RSPH14: variants seen among roughly 807,000 people sequenced by gnomAD.
The protein encoded by RSPH14 is radial spoke head 14 homolog.
In RSPH14, 20 loss-of-function variants were observed where a neutral mutation model predicts 26.7. That is an observed-to-expected ratio of 0.75 (90% CI 0.53 to 1.09). The LOEUF (loss-of-function observed/expected upper bound fraction) is 1.09. Ranked by LOEUF, RSPH14 falls within the 50% of genes least tolerant of loss-of-function variation. RSPH14 has a pLI of 0.00. For missense variants in RSPH14, 449 were observed against 457.2 expected (o/e 0.98, Z 0.16); for synonymous variants, 177 against 189.3 (o/e 0.93, Z 0.53).
the RSPH14 span, among the ~76,000 whole-genome samples, chr22:23,170,570 G>GGA: frequency 3.4e-4 from 25 of 73,050 alleles, no homozygotes; most frequent in South Asian, 9.7e-4. Context: ...GCAACATGGT[G>GGA]AAAAAAAAAC....
the RSPH14 span, among the ~76,000 whole-genome samples, chr22:23,169,354 G>T: frequency 6.6e-6 from 1 of 152,226 alleles, no homozygotes; most frequent in East Asian, 1.9e-4. Flanking sequence ...GATGATGGAT[G>T]GTGGTCACAT....
At chr22:23,153,031 A>G in the RSPH14 span, 3 of 1,612,034 alleles carry the variant, frequency 1.9e-6, no homozygotes, top group Admixed American at 1.7e-5. Context: ...CATCCCCCAC[A>G]GGTTTTGCAA....
intron 4 of RSPH14, among the ~76,000 whole-genome samples, chr22:23,064,686 A>C (rs1178013155): frequency 6.6e-6 from 1 of 152,144 alleles, no homozygotes; most frequent in East Asian, 1.9e-4. Context: ...CACCAAAAAG[A>C]GCTGTGCCCC....
chr22:23,104,026 G>A (rs911355121), intron 4 of RSPH14, among the ~76,000 whole-genome samples: 2 of 152,142 alleles, frequency 1.3e-5, no homozygotes, highest in East Asian at 1.9e-4. Flanking sequence ...GGGCCTAGAC[G>A]TTGGGAGCAG....
chr22:23,081,821 CAAAAAAAAAAA>C (rs55713577), intron 4 of RSPH14, among the ~76,000 whole-genome samples: 1 of 46,746 alleles, frequency 2.1e-5, no homozygotes, highest in African/African-American at 9.1e-5. Flanking sequence ...GATTCCATCT[CAAAAAAAAAAA>C]AAAAAAAAAA....
At chr22:23,065,583 A>G (rs535597836) in intron 4 of RSPH14, among the ~76,000 whole-genome samples, 2 of 150,642 alleles carry the variant, frequency 1.3e-5, no homozygotes, top group South Asian at 4.2e-4. Context: ...CATTTAAAAC[A>G]TATCCTTTCC....
At chr22:23,116,118 C>T (rs1569184388) in intron 4 of RSPH14, among the ~76,000 whole-genome samples, 1 of 152,258 alleles carries the variant, frequency 6.6e-6, no homozygotes, top group South Asian at 2.1e-4. Flanking sequence ...TCTGTGTGTG[C>T]GTTTGCCTGG....
chr22:23,106,032 C>T lies in RSPH14; in HGVS notation c.421+27994G>A, dbSNP rs189760123. ...CCAGGCCCTTTCGGAGCAAATGCTC[C>T]CACCATCTTGGAATTTTCTGTCCCA... On this transcript the variant is annotated intron_variant, in intron 4 of 6. Transcript: ENST00000216036. 4.7e-4 allele frequency among the ~76,000 whole-genome samples: 71 copies of T among 152,282 alleles called. 1 individual carries two copies. In the East Asian group the frequency reaches 0.011, roughly 24 times the overall value.
At position 23,071,301 on chromosome 22, in the gene RSPH14, T is replaced by G. The variant is rs1299075306; in HGVS notation, c.422-7168A>C. On this transcript the variant is annotated intron_variant, in intron 4 of 6. Coordinates refer to ENST00000216036, the MANE Select transcript of RSPH14 (RefSeq NM_014433.3). The surrounding 1 kb of genome is among the most constrained non-coding windows in gnomAD (Gnocchi z 4.1). The stretch of plus-strand genomic sequence containing the variant: ...GGGGGCTCTGCCTTTAGGGCGGTGC[T>G]GAGCCTTCCTGGGTGATGATGGCAG... Among the ~76,000 whole-genome samples, 1 of 152,172 alleles carries G rather than the reference T, an allele frequency of 6.6e-6. No individual in the cohort carries two copies. The highest frequency in any genetic ancestry group is 1.5e-5 in the Non-Finnish European group (1 of 68,014).
rs117823991 is a variant in RSPH14 at position 23,120,556 on chromosome 22, G to A, written c.421+13470C>T. Among the ~76,000 whole-genome samples the A allele has an allele frequency of 7.6e-3, 1,153 of 152,276 alleles. 9 individuals carry two copies. The highest frequency in any genetic ancestry group is 0.011 in the Admixed American group (168 of 15,300). The stretch of plus-strand genomic sequence containing the variant: ...CTAAATTCCACTGCCTGCCCAGGAG[G>A]TGATGGGCTAAGCTGGGTATTAAAA... On this transcript the variant is annotated intron_variant, in intron 4 of 6. Coordinates refer to ENST00000216036, the MANE Select transcript of RSPH14 (RefSeq NM_014433.3).
intron 4 of RSPH14, among the ~76,000 whole-genome samples, chr22:23,115,363 G>C (rs2069795579): frequency 6.6e-6 from 1 of 152,214 alleles, no homozygotes; most frequent in Non-Finnish European, 1.5e-5. Flanking sequence ...GGGCTGCATG[G>C]ATCCAGAGTA....
At chr22:23,097,143 T>C (rs1181610159) in intron 4 of RSPH14, among the ~76,000 whole-genome samples, 1 of 152,094 alleles carries the variant, frequency 6.6e-6, no homozygotes, top group Non-Finnish European at 1.5e-5. Flanking sequence ...ATTTCAAGTC[T>C]GCCCTTAAGA....
In RSPH14 at chr22:23,071,714, C is replaced by T. The variant is rs2068382004; in HGVS notation, c.422-7581G>A. On this transcript the variant is annotated intron_variant, in intron 4 of 6. Coordinates refer to ENST00000216036, the MANE Select transcript of RSPH14 (RefSeq NM_014433.3). This position sits in a 1 kb window ranked among gnomAD's most constrained non-coding sequence, Gnocchi z 4.1. ...CCCGCTTGAGTGCAGGTGCAGGGGC[C>T]TCGGGAGGGACCTCAGAGTGGTGTC... Among the ~76,000 whole-genome samples the T allele has an allele frequency of 6.6e-6, 1 of 152,158 alleles. No homozygotes were observed. Among genetic ancestry groups the T allele is most frequent in the East Asian group, 1.9e-4 (1 of 5,192 alleles).
chr22:23,088,187 C>G (rs2068867455), intron 4 of RSPH14, among the ~76,000 whole-genome samples: 1 of 152,224 alleles, frequency 6.6e-6, no homozygotes, highest in South Asian at 2.1e-4. Context: ...TTCCCATACT[C>G]ACGCAGCAAG....
chr22:23,094,298 A>G (rs1226435228), intron 4 of RSPH14, among the ~76,000 whole-genome samples: 1 of 152,116 alleles, frequency 6.6e-6, no homozygotes, highest in Non-Finnish European at 1.5e-5. Context: ...CTGAGCTTTG[A>G]GCTGCCCCTC....
chr22:23,060,937 G>C (rs564869020), intron 6 of RSPH14, among the ~76,000 whole-genome samples: 129 of 152,312 alleles, frequency 8.5e-4, no homozygotes, highest in Non-Finnish European at 1.2e-3. Context: ...GACCGAGAAG[G>C]ACACTGGGCT....
rs144510607 is a variant in RSPH14, at chr22:23,074,100, G to A, written c.422-9967C>T. 2.1e-3 allele frequency among the ~76,000 whole-genome samples: 325 copies of A among 152,314 alleles called. 2 individuals carry two copies. The highest frequency in any genetic ancestry group is 3.6e-3 in the Non-Finnish European group (247 of 68,016). ...GAGTGTGGGTGGGGTGTCAGGGCCAGGTCCTGCAGGACTCAGTGGGCCCCA... is the reference window on the plus strand; with the variant it reads ...GAGTGTGGGTGGGGTGTCAGGGCCAAGTCCTGCAGGACTCAGTGGGCCCCA... On this transcript the variant is annotated intron_variant, in intron 4 of 6. Coordinates refer to ENST00000216036, the MANE Select transcript of RSPH14 (RefSeq NM_014433.3).
intron 4 of RSPH14, among the ~76,000 whole-genome samples, chr22:23,120,059 G>A (rs1305646917): frequency 6.6e-6 from 1 of 152,224 alleles, no homozygotes. Flanking sequence ...CTGTCCTGAT[G>A]AGGCTGCCGC....
chr22:23,080,440 G>A (rs552817330), intron 4 of RSPH14, among the ~76,000 whole-genome samples: 1 of 152,368 alleles, frequency 6.6e-6, no homozygotes, highest in South Asian at 2.1e-4. Flanking sequence ...ATAGCCTGGG[G>A]TTGTCTGTAG....
Sources: allele counts gnomAD v4.1 joint callset (sites outside exome capture counted in the v4.1 genomes callset), GRCh38; gene constraint gnomAD v4.1.1; non-coding constraint Gnocchi (gnomAD v3.1); transcripts MANE v1.5; gene names NCBI Gene and HGNC (gene_info 2026-07-23, HGNC 2026-07-21).